ZBTB7C: variants seen among roughly 807,000 people sequenced by gnomAD.
ZBTB7C encodes the protein zinc finger and BTB domain-containing protein 7C.
In ZBTB7C, 8 loss-of-function variants were observed where a neutral mutation model predicts 25.7. The observed-to-expected ratio is 0.31, with a 90% CI of 0.18 to 0.56. The LOEUF (loss-of-function observed/expected upper bound fraction) is 0.56, where lower values mean the gene tolerates loss of function less well. Ranked by LOEUF, ZBTB7C falls within the 20% of genes least tolerant of loss-of-function variation. The pLI, the probability that ZBTB7C is intolerant of heterozygous loss-of-function variation, is 0.91. For missense variants in ZBTB7C, 824 were observed against 855.2 expected (o/e 0.96, Z 0.46); for synonymous variants, 394 against 369.0 (o/e 1.07, Z -0.78).
chr18:48,262,027 GT>G (rs1414031644), intron 2 of ZBTB7C, among the ~76,000 whole-genome samples: 2 of 147,952 alleles, frequency 1.4e-5, no homozygotes, highest in East Asian at 4.0e-4. Context: ...GGACCTTCCA[GT>G]ATATCTAGTC....
At position 48,026,949 on chromosome 18, in the gene ZBTB7C, G is replaced by C. The variant is rs2144030695; in HGVS notation, c.*2311C>G. On this transcript the variant is annotated 3_prime_UTR_variant, in exon 5 of 5. Coordinates refer to ENST00000590800, the MANE Select transcript of ZBTB7C (RefSeq NM_001318841.2). ...ATTAGCTGAGAGTTTTTCTCGGCGG[G>C]ATGTGGCGTGCGACCGAAGTTATGG... 1 of 151,886 alleles carries C rather than the reference G, an allele frequency of 6.6e-6. No individual in the cohort carries two copies. The highest frequency in any genetic ancestry group is 3.4e-3 in the Middle Eastern group (1 of 292). 9.4% of individuals were successfully genotyped at this position (151,886 alleles called of 1,614,324 possible).
intron 3 of ZBTB7C, among the ~76,000 whole-genome samples, chr18:48,116,482 C>T (rs986984392): frequency 2.0e-5 from 3 of 152,260 alleles, no homozygotes; most frequent in Admixed American, 6.5e-5. Context: ...CACCTTCTCT[C>T]TCCAGTCCTC....
chr18:48,337,709 T>C (rs1215582479), intron 2 of ZBTB7C, among the ~76,000 whole-genome samples: 1 of 152,252 alleles, frequency 6.6e-6, no homozygotes, highest in Non-Finnish European at 1.5e-5. Context: ...ATTTGACATA[T>C]CTGAACCAGA....
rs574558453 is a variant in ZBTB7C at position 48,369,533 on chromosome 18, G to A, written c.-303-31135C>T. 2.6e-5 allele frequency among the ~76,000 whole-genome samples: 4 copies of A among 152,042 alleles called. No individual in the cohort carries two copies. In the South Asian group the frequency reaches 8.3e-4, roughly 32 times the overall value. On this transcript the variant is annotated intron_variant, in intron 1 of 4. Coordinates refer to ENST00000590800, the MANE Select transcript of ZBTB7C (RefSeq NM_001318841.2). ...ACTTTAAAAATAACAATATAGGCAGGTTACAAGTAAAAGGATGAAGAAAAA... is the reference window on the plus strand; with the variant it reads ...ACTTTAAAAATAACAATATAGGCAGATTACAAGTAAAAGGATGAAGAAAAA...
At chr18:48,312,722 T>C (rs1231837298) in intron 2 of ZBTB7C, among the ~76,000 whole-genome samples, 1 of 152,062 alleles carries the variant, frequency 6.6e-6, no homozygotes, top group Non-Finnish European at 1.5e-5. Context: ...TCAGTGCGGG[T>C]CATGTCACAT....
chr18:48,397,627 T>A (rs574615596), intron 1 of ZBTB7C, among the ~76,000 whole-genome samples: 1 of 152,274 alleles, frequency 6.6e-6, no homozygotes, highest in Admixed American at 6.5e-5. Context: ...TGCTCAGCAA[T>A]GTCATTTCTC....
rs1244542960 is a variant in ZBTB7C at position 48,409,359 on chromosome 18, G to C, written c.-437C>G. The C allele has an allele frequency of 4.1e-5, 6 of 147,970 alleles. No individual in the cohort carries two copies. The highest frequency in any genetic ancestry group is 9.0e-5 in the Non-Finnish European group (6 of 66,398). The allele number at this position is 147,970 out of a possible 1,614,324, so 9.2% of individuals were successfully genotyped here. A position where few individuals can be genotyped will look rare whatever the true frequency, so the allele number is the denominator to read the frequency against. On this transcript the variant is annotated 5_prime_UTR_variant, in exon 1 of 5. Coordinates refer to ENST00000590800, the MANE Select transcript of ZBTB7C (RefSeq NM_001318841.2). ...CCGGCCGCGCCGCTGTCAGAGTCTC[G>C]TGGCGGGGCTGCGCCGGCGGGTATG...
chr18:48,159,339 C>A (rs2040931897), intron 3 of ZBTB7C, among the ~76,000 whole-genome samples: 1 of 152,120 alleles, frequency 6.6e-6, no homozygotes, highest in Non-Finnish European at 1.5e-5. Flanking sequence ...ATGATAATTC[C>A]TACCTCATAG....
At chr18:48,248,834 T>A (rs1314765940) in intron 2 of ZBTB7C, among the ~76,000 whole-genome samples, 1 of 152,150 alleles carries the variant, frequency 6.6e-6, no homozygotes, top group African/African-American at 2.4e-5. Context: ...ACAATTTCCA[T>A]ACATAATATA....
At chr18:48,249,833 GT>G (rs906616465) in intron 2 of ZBTB7C, among the ~76,000 whole-genome samples, 2 of 152,112 alleles carry the variant, frequency 1.3e-5, no homozygotes, top group African/African-American at 4.8e-5. Context: ...TCCCTCTGCT[GT>G]GGAGTTTAAA....
chr18:48,231,603 T>G (rs1257678504), intron 2 of ZBTB7C, among the ~76,000 whole-genome samples: 2 of 152,188 alleles, frequency 1.3e-5, no homozygotes, highest in African/African-American at 2.4e-5. Flanking sequence ...CAGCCTTCAC[T>G]TGTCCACGTA....
At chr18:48,228,075 G>A (rs978953547) in intron 2 of ZBTB7C, among the ~76,000 whole-genome samples, 11 of 152,242 alleles carry the variant, frequency 7.2e-5, no homozygotes, top group Admixed American at 3.3e-4. Flanking sequence ...TGCTTCCAGC[G>A]TCTCCCTGAA....
intron 3 of ZBTB7C, among the ~76,000 whole-genome samples, chr18:48,174,471 A>C (rs779172663): frequency 2.4e-4 from 37 of 152,288 alleles, no homozygotes; most frequent in Non-Finnish European, 4.4e-4. Flanking sequence ...GGAAAACAGG[A>C]ATGCAACTGA....
At chr18:48,320,048 A>C (rs1031999515) in intron 2 of ZBTB7C, among the ~76,000 whole-genome samples, 5 of 152,098 alleles carry the variant, frequency 3.3e-5, no homozygotes, top group Non-Finnish European at 7.4e-5. Context: ...GTTGATATCC[A>C]AGTGTGTTAG....
intron 3 of ZBTB7C, chr18:48,148,321 T>C (rs2040562212): frequency 6.6e-6 from 1 of 152,226 alleles, no homozygotes; most frequent in South Asian, 2.1e-4. Flanking sequence ...AAATTCTTAT[T>C]GAATGTTCTC....
chr18:48,052,176 G>T (rs990427400), intron 3 of ZBTB7C, among the ~76,000 whole-genome samples: 1 of 152,142 alleles, frequency 6.6e-6, no homozygotes, highest in Non-Finnish European at 1.5e-5. Context: ...GCCTTCACAG[G>T]AGATGTCCCC....
intron 3 of ZBTB7C, chr18:48,076,836 A>T: frequency 1.7e-6 from 1 of 601,886 alleles, no homozygotes; most frequent in Non-Finnish European, 2.1e-6. Context: ...ATGGGATTGC[A>T]GGAGAATGTA....
chr18:48,367,158 G>C (rs1598967653), intron 1 of ZBTB7C, among the ~76,000 whole-genome samples: 1 of 118,186 alleles, frequency 8.5e-6, no homozygotes, highest in Non-Finnish European at 1.7e-5. Context: ...GCTTTCCCCT[G>C]TTCTTCTCCC....
chr18:48,115,924 C>G (rs1308379201), intron 3 of ZBTB7C, among the ~76,000 whole-genome samples: 1 of 152,106 alleles, frequency 6.6e-6, no homozygotes, highest in Non-Finnish European at 1.5e-5. Flanking sequence ...GGAGGGAGAC[C>G]AAGGGCCTCG....
Sources: gnomAD v4.1 joint callset for allele counts (sites outside exome capture counted in the v4.1 genomes callset) on GRCh38, gnomAD v4.1.1 for gene constraint, MANE v1.5 for transcripts, NCBI Gene and HGNC (gene_info 2026-07-23, HGNC 2026-07-21) for gene names.